Variants in OPCML observed in about 807,000 individuals in gnomAD.
OPCML encodes opioid-binding protein/cell adhesion molecule.
In OPCML, 13 loss-of-function variants were observed where a neutral mutation model predicts 37.8. The ratio of observed to expected loss-of-function variants is 0.34; its 90% confidence interval spans 0.22 to 0.55. The LOEUF (loss-of-function observed/expected upper bound fraction) is 0.55. OPCML is among the 20% of genes least tolerant of loss of function. The probability of loss-of-function intolerance (pLI) is 0.91; values close to 1 mark genes in which losing one functional copy is unlikely to be tolerated. For missense variants in OPCML, 341 were observed against 435.6 expected (o/e 0.78, Z 1.93); for synonymous variants, 176 against 168.8 (o/e 1.04, Z -0.33).
At chr11:133,102,418 T>G (rs997906054) in intron 1 of OPCML, among the ~76,000 whole-genome samples, 2 of 152,180 alleles carry the variant, frequency 1.3e-5, no homozygotes, top group African/African-American at 4.8e-5. Context: ...GACAAGCTCT[T>G]AAACATCTAC....
At chr11:133,311,831 A>C (rs890566446) in intron 1 of OPCML, among the ~76,000 whole-genome samples, 1 of 152,184 alleles carries the variant, frequency 6.6e-6, no homozygotes, top group Non-Finnish European at 1.5e-5. Context: ...ACACAAGGAG[A>C]CAAGCTATGA....
chr11:133,265,980 T>A (rs1941646111), intron 1 of OPCML, among the ~76,000 whole-genome samples: 1 of 151,996 alleles, frequency 6.6e-6, no homozygotes, highest in African/African-American at 2.4e-5. Flanking sequence ...GACCTCCGTT[T>A]ACAAAAGGAG....
At chr11:133,140,566 A>AGAAGAAGAAGAAGAAGAAGAAGAG (rs1592040288) in intron 1 of OPCML, among the ~76,000 whole-genome samples, 1 of 147,806 alleles carries the variant, frequency 6.8e-6, no homozygotes, top group Non-Finnish European at 1.5e-5. Flanking sequence ...AAGAAGAAGA[A>AGAAGAAGAAGAAGAAGAAGAAGAG]GAAGAAGAAG....
intron 1 of OPCML, among the ~76,000 whole-genome samples, chr11:133,286,983 G>A (rs899148159): frequency 1.3e-5 from 2 of 152,172 alleles, no homozygotes; most frequent in African/African-American, 2.4e-5. Context: ...TATCTTCTGC[G>A]CACTGCCTGG....
intron 1 of OPCML, among the ~76,000 whole-genome samples, chr11:133,270,408 G>C (rs1447747765): frequency 6.6e-6 from 1 of 152,118 alleles, no homozygotes; most frequent in African/African-American, 2.4e-5. Context: ...AAAATGAGAA[G>C]GCTAGACAAA....
At chr11:133,161,253 T>A (rs926837749) in intron 1 of OPCML, among the ~76,000 whole-genome samples, 7 of 152,180 alleles carry the variant, frequency 4.6e-5, no homozygotes, top group Admixed American at 6.5e-5. Flanking sequence ...AATAACAACA[T>A]GTTGTAAAAC....
intron 3 of OPCML, among the ~76,000 whole-genome samples, chr11:132,564,123 C>T (rs554532615): frequency 6.6e-6 from 1 of 152,190 alleles, no homozygotes; most frequent in Non-Finnish European, 1.5e-5. Context: ...GGTTCAGTGA[C>T]GCCTGCTCTC....
intron 2 of OPCML, among the ~76,000 whole-genome samples, chr11:132,925,617 C>A (rs898301481): frequency 6.6e-6 from 1 of 152,074 alleles, no homozygotes; most frequent in African/African-American, 2.4e-5. Flanking sequence ...TCAGCCATCA[C>A]TCAATGGTCT....
At chr11:133,182,771 G>A (rs879545754) in intron 1 of OPCML, among the ~76,000 whole-genome samples, 12 of 152,188 alleles carry the variant, frequency 7.9e-5, no homozygotes, top group Non-Finnish European at 4.4e-5. Context: ...AAGGCTTCAT[G>A]TTATGTGAGT....
chr11:133,257,013 A>G (rs1261471023), intron 1 of OPCML, among the ~76,000 whole-genome samples: 1 of 152,238 alleles, frequency 6.6e-6, no homozygotes, highest in Non-Finnish European at 1.5e-5. Flanking sequence ...GCTGATTTCT[A>G]TGGGGTAAAC....
At chr11:133,052,823 G>A (rs947918755) in intron 1 of OPCML, among the ~76,000 whole-genome samples, 3 of 152,216 alleles carry the variant, frequency 2.0e-5, no homozygotes, top group African/African-American at 4.8e-5. Flanking sequence ...AACCTGCCAA[G>A]ACTGAGGGCA....
intron 1 of OPCML, among the ~76,000 whole-genome samples, chr11:133,279,717 G>A (rs1942090594): frequency 6.6e-6 from 1 of 152,016 alleles, no homozygotes; most frequent in South Asian, 2.1e-4. Flanking sequence ...ATTGAAATAT[G>A]TCTTCCCACA....
At chr11:132,870,080 A>G (rs1168324250) in intron 2 of OPCML, among the ~76,000 whole-genome samples, 2 of 152,170 alleles carry the variant, frequency 1.3e-5, no homozygotes, top group African/African-American at 4.8e-5. Flanking sequence ...TTCTTTAACC[A>G]CGTGACCTCA....
intron 4 of OPCML, among the ~76,000 whole-genome samples, chr11:132,454,226 T>C (rs1169578674): frequency 1.3e-5 from 2 of 152,230 alleles, no homozygotes; most frequent in African/African-American, 2.4e-5. Context: ...CTTCAAAGGA[T>C]GAGAGGGTCA....
At chr11:132,602,254 G>A (rs1055985448) in intron 3 of OPCML, among the ~76,000 whole-genome samples, 2 of 152,136 alleles carry the variant, frequency 1.3e-5, no homozygotes, top group Admixed American at 1.3e-4. Flanking sequence ...GAATGAAAAT[G>A]TAGCTCCAGC....
intron 2 of OPCML, among the ~76,000 whole-genome samples, chr11:132,841,190 T>C (rs1941270264): frequency 6.6e-6 from 1 of 152,226 alleles, no homozygotes; most frequent in Admixed American, 6.5e-5. Context: ...CTTCGCACTG[T>C]GCTAGGGTGA....
At chr11:133,217,304 C>T (rs930548338) in intron 1 of OPCML, among the ~76,000 whole-genome samples, 2 of 152,204 alleles carry the variant, frequency 1.3e-5, no homozygotes, top group Admixed American at 1.3e-4. Flanking sequence ...TTGTAAATTA[C>T]TCATCATTCT....
intron 1 of OPCML, among the ~76,000 whole-genome samples, chr11:133,344,251 G>A (rs1433994161): frequency 6.6e-6 from 1 of 152,232 alleles, no homozygotes; most frequent in Admixed American, 6.5e-5. Flanking sequence ...CTCCAGCTGA[G>A]TCACTGTTGA....
At chr11:133,282,223 G>C (rs1233863642) in intron 1 of OPCML, among the ~76,000 whole-genome samples, 1 of 152,108 alleles carries the variant, frequency 6.6e-6, no homozygotes, top group Admixed American at 6.5e-5. Flanking sequence ...AGACCCAGAG[G>C]CTTAGGAGAA....
Sources: allele counts gnomAD v4.1 joint callset (sites outside exome capture counted in the v4.1 genomes callset), GRCh38; gene constraint gnomAD v4.1.1; transcripts MANE v1.5; gene names NCBI Gene and HGNC (gene_info 2026-07-23, HGNC 2026-07-21).